Variants in CRTAC1 observed in about 807,000 individuals in gnomAD.
CRTAC1 encodes the protein cartilage acidic protein 1.
CRTAC1 carries 37 observed loss-of-function variants against 67.8 expected under a neutral mutation model. The ratio of observed to expected loss-of-function variants is 0.55; its 90% CI spans 0.42 to 0.72. The LOEUF (loss-of-function observed/expected upper bound fraction) is 0.72, where lower values mean the gene tolerates loss of function less well. Ranked by LOEUF, CRTAC1 falls within the 30% of genes least tolerant of loss-of-function variation. The pLI is 0.00. For synonymous variants in CRTAC1, 348 were observed against 371.0 expected, an observed-to-expected ratio of 0.94 and a Z score of 0.71; for missense variants, 780 against 931.6, an observed-to-expected ratio of 0.84 and a Z score of 2.12.
At chr10:97,955,713 G>A (rs1250265171) in intron 2 of CRTAC1, among the ~76,000 whole-genome samples, 1 of 152,196 alleles carries the variant, frequency 6.6e-6, no homozygotes, top group Non-Finnish European at 1.5e-5. Flanking sequence ...AGAGGAGATA[G>A]CTGGTAGCCC....
chr10:97,930,812 G>A (rs1001709637), intron 3 of CRTAC1, among the ~76,000 whole-genome samples: 3 of 151,990 alleles, frequency 2.0e-5, no homozygotes, highest in Non-Finnish European at 4.4e-5. Flanking sequence ...AAGAGCCTCT[G>A]CTGAAGACCT....
chr10:98,014,549 T>G (rs546404885), intron 1 of CRTAC1, among the ~76,000 whole-genome samples: 1 of 152,288 alleles, frequency 6.6e-6, no homozygotes, highest in South Asian at 2.1e-4. Flanking sequence ...GAGAAAATAT[T>G]TGCAAATCAT....
chr10:97,943,516 A>G (rs936160416), intron 2 of CRTAC1, among the ~76,000 whole-genome samples: 26 of 152,212 alleles, frequency 1.7e-4, no homozygotes, highest in Admixed American at 2.6e-4. Context: ...AATGTGTTGC[A>G]TTTTCACAAC....
intron 14 of CRTAC1, chr10:97,869,739 G>T (rs1461470761): frequency 6.6e-6 from 1 of 152,308 alleles, no homozygotes; most frequent in African/African-American, 2.4e-5. Flanking sequence ...ACTGCCACCC[G>T]CAGGGACTTT....
intron 11 of CRTAC1, among the ~76,000 whole-genome samples, chr10:97,891,359 A>G (rs1383244911): frequency 1.3e-5 from 2 of 152,198 alleles, no homozygotes; most frequent in African/African-American, 4.8e-5. Context: ...CCTTTGGCCA[A>G]GCCAGCCCAA....
At chr10:97,906,767 G>T (rs2136572935) in intron 6 of CRTAC1, among the ~76,000 whole-genome samples, 1 of 152,326 alleles carries the variant, frequency 6.6e-6, no homozygotes, top group African/African-American at 2.4e-5. Context: ...AAAGCTGGGG[G>T]TGGGTGTGCA....
intron 1 of CRTAC1, among the ~76,000 whole-genome samples, chr10:98,028,621 C>G (rs537118410): frequency 6.6e-6 from 1 of 152,186 alleles, no homozygotes; most frequent in African/African-American, 2.4e-5. Flanking sequence ...GAATAAACAC[C>G]AGGGTTCAGA....
At chr10:98,005,100 A>ATATATATATATT in intron 2 of CRTAC1, among the ~76,000 whole-genome samples, 2 of 48,924 alleles carry the variant, frequency 4.1e-5, no homozygotes, top group African/African-American at 2.3e-4. Context: ...ATATATATAT[A>ATATATATATATT]TTTTTTTTTT....
chr10:97,866,520 T>C (rs2050026865), intron 14 of CRTAC1: 1 of 152,204 alleles, frequency 6.6e-6, no homozygotes, highest in Non-Finnish European at 1.5e-5. Context: ...TGTATGCACA[T>C]GTGAATGTAT....
At chr10:98,006,564 C>T (rs1454445810) in intron 2 of CRTAC1, among the ~76,000 whole-genome samples, 8 of 152,128 alleles carry the variant, frequency 5.3e-5, no homozygotes, top group Admixed American at 5.2e-4. Flanking sequence ...CAACACAAAC[C>T]GACCCGCAAC....
chr10:98,024,154 C>T (rs947710332), intron 1 of CRTAC1, among the ~76,000 whole-genome samples: 1 of 152,258 alleles, frequency 6.6e-6, no homozygotes, highest in Non-Finnish European at 1.5e-5. Context: ...GCAGTCCCTG[C>T]AGTCCCTCCT....
chr10:97,993,502 G>A (rs1248917886), intron 2 of CRTAC1, among the ~76,000 whole-genome samples: 1 of 152,176 alleles, frequency 6.6e-6, no homozygotes, highest in African/African-American at 2.4e-5. Context: ...GACTAAGATA[G>A]CTTGAAGGAG....
intron 2 of CRTAC1, among the ~76,000 whole-genome samples, chr10:97,991,052 C>A (rs1842441081): frequency 7.3e-6 from 1 of 137,300 alleles, no homozygotes. Flanking sequence ...TTGCTTGAGG[C>A]CAGGAGTTTG....
chr10:98,019,564 T>C (rs1287226155), intron 1 of CRTAC1, among the ~76,000 whole-genome samples: 1 of 152,214 alleles, frequency 6.6e-6, no homozygotes, highest in East Asian at 1.9e-4. Context: ...AAACCTTAGC[T>C]AGATTGACAT....
intron 2 of CRTAC1, among the ~76,000 whole-genome samples, chr10:97,982,815 A>C (rs946689713): frequency 6.6e-6 from 1 of 152,228 alleles, no homozygotes; most frequent in African/African-American, 2.4e-5. Context: ...GTTATGGAGG[A>C]CCTGACACAG....
intron 2 of CRTAC1, among the ~76,000 whole-genome samples, chr10:97,985,692 T>A (rs2051969449): frequency 6.6e-6 from 1 of 152,174 alleles, no homozygotes; most frequent in Admixed American, 6.5e-5. Context: ...CCAATTGTGC[T>A]TGCTCCCAAG....
rs2136525500 is a variant in CRTAC1 at position 97,868,943 on chromosome 10, C to CA, written c.1820-3230dup. ...TACATAATTAGTCATTCAATTCTCA[C>CA]AGCAACCCTCTATGGCATGGATTCT... On this transcript the variant is annotated intron_variant, in intron 14 of 14. Transcript: ENST00000370597. 2 of 152,376 alleles carry CA rather than the reference C, an allele frequency of 1.3e-5. 1 individual carries two copies. Among genetic ancestry groups the CA allele is most frequent in the South Asian group, 4.1e-4 (2 of 4,830 alleles). The allele number at this position is 152,376 out of a possible 1,614,324, so 9.4% of individuals were successfully genotyped here.
At chr10:97,940,124 T>C (rs944735543) in intron 2 of CRTAC1, among the ~76,000 whole-genome samples, 1 of 152,230 alleles carries the variant, frequency 6.6e-6, no homozygotes, top group African/African-American at 2.4e-5. Flanking sequence ...GAGCAGCCAC[T>C]GCGTGCCTAG....
In CRTAC1 at chr10:98,011,273, C is replaced by T. The variant is rs201348193; in HGVS notation, c.89G>A (p.Arg30Gln). 84 of 1,614,156 alleles carry T rather than the reference C, an allele frequency of 5.2e-5. No homozygotes were observed. Among genetic ancestry groups the T allele is most frequent in the Admixed American group, 4.0e-4 (24 of 60,038 alleles). The change falls in exon 2 of 15, where the codon CGG (arginine) becomes CAG (glutamine). Residue 30 changes from arginine (R) to glutamine (Q), a missense_variant. Arg to Gln is a conservative substitution (Grantham distance 43). Transcript: ENST00000370597. ...WFLPITEGSQ[R>Q]AEPMFTAVTN... ...GACTGCAGTGAACATGGGTTCAGCC[C>T]GCTGGGACCCCTCAGTGATGGGCAG...
Sources: gnomAD v4.1 joint callset for allele counts (sites outside exome capture counted in the v4.1 genomes callset) on GRCh38, gnomAD v4.1.1 for gene constraint, MANE v1.5 for transcripts, NCBI Gene and HGNC (gene_info 2026-07-23, HGNC 2026-07-21) for gene names.